Variants in PUDP observed in about 807,000 individuals in gnomAD.
PUDP encodes pseudouridine 5'-phosphatase, also known as pseudouridine-5'-phosphatase.
A neutral mutation model predicts 9.4 loss-of-function variants in PUDP; 8 were observed. That is an observed-to-expected ratio of 0.85 (90% CI 0.50 to 1.53). PUDP has a LOEUF of 1.53. PUDP is among the 40% of genes most tolerant of loss of function. The pLI is 0.00. For missense variants in PUDP, 188 were observed against 189.7 expected (o/e 0.99, Z 0.05); for synonymous variants, 99 against 80.7 (o/e 1.23, Z -1.22).
chrX:7,064,715 G>T (rs1930497888), intron 3 of PUDP, among the ~76,000 whole-genome samples: 1 of 111,401 alleles, frequency 9.0e-6, no homozygotes. Flanking sequence ...CTCCCAGGAA[G>T]ACCTCCAACA....
chrX:7,120,421 C>A (rs1932311182), intron 1 of PUDP, among the ~76,000 whole-genome samples: 1 of 110,883 alleles, frequency 9.0e-6, no homozygotes, highest in African/African-American at 3.3e-5. Context: ...CAGCCAATAC[C>A]CCACAGCCTC....
chrX:6,831,179 A>G (rs1461120361), intron 3 of PUDP, among the ~76,000 whole-genome samples: 1 of 111,981 alleles, frequency 8.9e-6, no homozygotes, highest in Admixed American at 9.4e-5. Flanking sequence ...CAGCCGATCT[A>G]TCAAGTGCAG....
At chrX:7,059,282 A>G (rs1930333028) in intron 3 of PUDP, among the ~76,000 whole-genome samples, 1 of 111,734 alleles carries the variant, frequency 8.9e-6, no homozygotes, top group Admixed American at 9.5e-5. Context: ...AGACTTCAAG[A>G]CAGCTCAAAA....
chrX:7,132,155 G>A (rs1932638585), intron 1 of PUDP, among the ~76,000 whole-genome samples: 1 of 110,944 alleles, frequency 9.0e-6, no homozygotes, highest in South Asian at 3.9e-4. Flanking sequence ...TGACTCAGTT[G>A]TCTCAGTATC....
chrX:6,736,393 C>A (rs1924873088), intron 3 of PUDP, among the ~76,000 whole-genome samples: 1 of 112,032 alleles, frequency 8.9e-6, no homozygotes, highest in African/African-American at 3.2e-5. Flanking sequence ...CAGGCTCTTT[C>A]ATACTTTATA....
At chrX:6,709,099 C>T (rs1037878707) in intron 1 of PUDP, among the ~76,000 whole-genome samples, 5 of 112,151 alleles carry the variant, frequency 4.5e-5, no homozygotes, top group African/African-American at 3.2e-5. Flanking sequence ...CAAGGCTTTA[C>T]GGTAAAGCTG....
intron 3 of PUDP, among the ~76,000 whole-genome samples, chrX:6,767,142 T>A (rs187343996): frequency 2.8e-3 from 315 of 113,130 alleles, no homozygotes; most frequent in Non-Finnish European, 4.7e-3. Context: ...CCTAATGCAT[T>A]GAATAGGCCC....
At chrX:6,755,643 A>C (rs1925160541) in intron 3 of PUDP, among the ~76,000 whole-genome samples, 1 of 111,333 alleles carries the variant, frequency 9.0e-6, no homozygotes. Context: ...TGTTGGTCGC[A>C]TTCATGGAGA....
At chrX:6,768,360 A>G (rs1193268316) in intron 3 of PUDP, among the ~76,000 whole-genome samples, 1 of 112,110 alleles carries the variant, frequency 8.9e-6, no homozygotes, top group Non-Finnish European at 1.9e-5. Context: ...AGTTCTGCCA[A>G]ATGTAGCATA....
chrX:6,856,533 G>A (rs1926908692), intron 3 of PUDP, among the ~76,000 whole-genome samples: 3 of 111,712 alleles, frequency 2.7e-5, no homozygotes, highest in Admixed American at 1.9e-4. Flanking sequence ...AATGCACCTC[G>A]GCACACAGTC....
chrX:6,901,462 G>C (rs1411213152), intron 3 of PUDP, among the ~76,000 whole-genome samples: 1 of 112,275 alleles, frequency 8.9e-6, no homozygotes, highest in East Asian at 2.8e-4. Flanking sequence ...TCCTTACCTT[G>C]CTATCTTGTT....
downstream of PUDP, among the ~76,000 whole-genome samples, chrX:7,048,115 G>T (rs192918645): frequency 2.0e-3 from 229 of 112,138 alleles, 1 homozygote; most frequent in Middle Eastern, 0.014. Flanking sequence ...GTAGTAATCA[G>T]TAAGTTCTTA....
chrX:6,842,533 GA>G (rs1216593242), intron 3 of PUDP, among the ~76,000 whole-genome samples: 2 of 112,002 alleles, frequency 1.8e-5, no homozygotes, highest in Non-Finnish European at 3.8e-5. Context: ...AACTGCAAAA[GA>G]AAAAAACTAA....
intron 3 of PUDP, among the ~76,000 whole-genome samples, chrX:6,790,040 G>A (rs1925718163): frequency 9.0e-6 from 1 of 110,820 alleles, no homozygotes; most frequent in Non-Finnish European, 1.9e-5. Context: ...ATGATTGATA[G>A]ATACAAGATA....
chrX:6,752,243 T>A (rs977705795), intron 3 of PUDP, among the ~76,000 whole-genome samples: 1 of 111,805 alleles, frequency 8.9e-6, no homozygotes, highest in Non-Finnish European at 1.9e-5. Context: ...TTGGTCTTGA[T>A]CCATTTAATC....
At chrX:6,904,656 A>T (rs764910116) in intron 3 of PUDP, among the ~76,000 whole-genome samples, 13 of 111,566 alleles carry the variant, frequency 1.2e-4, no homozygotes, top group Admixed American at 7.6e-4. Flanking sequence ...TTTGGTTGAG[A>T]GGCTCAGCCA....
intron 3 of PUDP, among the ~76,000 whole-genome samples, chrX:6,937,517 A>G (rs1928325097): frequency 9.7e-6 from 1 of 103,551 alleles, no homozygotes; most frequent in South Asian, 4.6e-4. Flanking sequence ...TAGACCTAAA[A>G]CCATAAAAAC....
At chrX:7,148,017 C>T in intron 1 of PUDP, 36 bp downstream of exon 1, 2 of 1,093,197 alleles carry the variant, frequency 1.8e-6, no homozygotes, top group Non-Finnish European at 2.4e-6. Context: ...CACACAAGAC[C>T]GCCCTTACTG....
chrX:6,713,056 CA>C (rs974297048), intron 1 of PUDP, among the ~76,000 whole-genome samples: 28 of 111,390 alleles, frequency 2.5e-4, no homozygotes, highest in South Asian at 7.6e-4. Context: ...AAAAAACAAA[CA>C]AAAAGAAACA....
Sources: allele counts gnomAD v4.1 joint callset (sites outside exome capture counted in the v4.1 genomes callset), GRCh38; gene constraint gnomAD v4.1.1; transcripts MANE v1.5; gene names NCBI Gene and HGNC (gene_info 2026-07-23, HGNC 2026-07-21).